Variants in IKZF1 observed in about 807,000 individuals in gnomAD.
The protein encoded by IKZF1 is DNA-binding protein Ikaros.
A neutral mutation model predicts 51.7 loss-of-function variants in IKZF1; 10 were observed. That is an observed-to-expected ratio of 0.19 (90% confidence interval 0.12 to 0.33). The LOEUF is 0.33. Among genes scored for constraint, IKZF1 ranks in the 10% least tolerant of loss-of-function variants. The probability of loss-of-function intolerance (pLI) is 1.00; values close to 1 mark genes in which losing one functional copy is unlikely to be tolerated. For missense variants in IKZF1, 484 were observed against 707.5 expected (o/e 0.68, Z 3.58); for synonymous variants, 280 against 282.3 (o/e 0.99, Z 0.08).
intron 3 of IKZF1, among the ~76,000 whole-genome samples, chr7:50,353,566 G>T (rs920421132): frequency 6.6e-6 from 1 of 152,242 alleles, no homozygotes; most frequent in African/African-American, 2.4e-5. Flanking sequence ...CTCCAGTGAT[G>T]CAGGAGAGGA....
intron 3 of IKZF1, among the ~76,000 whole-genome samples, chr7:50,341,485 G>GCCCA (rs1799060191): frequency 6.6e-6 from 1 of 152,150 alleles, no homozygotes; most frequent in Non-Finnish European, 1.5e-5. Context: ...GACAGTCCTA[G>GCCCA]CCCAGCTTTA....
chr7:50,356,667 A>T (rs1427952368), intron 3 of IKZF1, among the ~76,000 whole-genome samples: 3 of 151,936 alleles, frequency 2.0e-5, no homozygotes, highest in Non-Finnish European at 4.4e-5. Context: ...CTTCTCCATA[A>T]TTCTTTGTAT....
chr7:50,353,515 T>C (rs1307968281), intron 3 of IKZF1, among the ~76,000 whole-genome samples: 1 of 152,188 alleles, frequency 6.6e-6, no homozygotes, highest in Non-Finnish European at 1.5e-5. Flanking sequence ...TGCCATGCTG[T>C]CACCCTTATA....
At chr7:50,303,528 A>G (rs1788069291), upstream of IKZF1, among the ~76,000 whole-genome samples, 1 of 152,152 alleles carries the variant, frequency 6.6e-6, no homozygotes, top group Non-Finnish European at 1.5e-5. This position sits in a 1 kb window ranked among gnomAD's most constrained non-coding sequence, Gnocchi z 4.7. Flanking sequence ...GTGGGAGGGA[A>G]GAGAGACGAG....
intron 2 of IKZF1, among the ~76,000 whole-genome samples, chr7:50,322,399 CT>C (rs144722078): frequency 6.6e-6 from 1 of 152,104 alleles, no homozygotes; most frequent in Non-Finnish European, 1.5e-5. Context: ...TAATATCTGG[CT>C]TTTTTTCAAA....
intron 3 of IKZF1, chr7:50,369,325 C>T (rs1349208667): frequency 5.1e-6 from 2 of 391,804 alleles, no homozygotes; most frequent in East Asian, 7.2e-5. Flanking sequence ...AGGTGTCAGC[C>T]AGAGCATATG....
intron 1 of IKZF1, among the ~76,000 whole-genome samples, chr7:50,305,996 A>G (rs896889889): frequency 6.6e-6 from 1 of 152,138 alleles, no homozygotes; most frequent in African/African-American, 2.4e-5. Context: ...GTTTTATTGT[A>G]CTCATCTTTT....
rs377393268 is a variant in IKZF1 at position 50,314,430 on chromosome 7, T to C, written c.-14-4618T>C. Among the ~76,000 whole-genome samples, 19 of 152,224 alleles carry C rather than the reference T, an allele frequency of 1.2e-4. No homozygotes were observed. In the East Asian group the frequency reaches 3.7e-3, roughly 29 times the overall value. On this transcript the variant is annotated intron_variant, in intron 1 of 7. Transcript: ENST00000331340. ...CGGCAACTACAATTGTTCTTAAAGCTTGTAGAATTACTGTGTGCTACCAAC... is the reference window on the plus strand; with the variant it reads ...CGGCAACTACAATTGTTCTTAAAGCCTGTAGAATTACTGTGTGCTACCAAC...
At chr7:50,327,947 C>A in intron 3 of IKZF1, 190 bp downstream of exon 3, 1 of 654,816 alleles carries the variant, frequency 1.5e-6, no homozygotes, top group Non-Finnish European at 2.5e-6. Context: ...ACTCACAGGC[C>A]AGCATGGCCG....
At chr7:50,318,262 A>G (rs1440433431) in intron 1 of IKZF1, 2 of 230,702 alleles carry the variant, frequency 8.7e-6, no homozygotes, top group Admixed American at 5.7e-5. Flanking sequence ...CACTATGGTC[A>G]TCGAAGGGCA....
Position 50,351,178 on chromosome 7 carries a change from T to A in IKZF1, c.160+23421T>A, listed in dbSNP as rs1801769406. 2.0e-5 allele frequency among the ~76,000 whole-genome samples: 3 copies of A among 152,320 alleles called. No homozygotes were observed. In the South Asian group the frequency reaches 6.2e-4, roughly 32 times the overall value. ...CTCTTTTTTAATGCAGTTTTTATAA[T>A]ATGGGGAGTGGGGGTGTGGATTTAA... On this transcript the variant is annotated intron_variant, in intron 3 of 7. Transcript: ENST00000331340.
At chr7:50,369,103 T>C (rs1031165470) in intron 3 of IKZF1, 10 of 231,310 alleles carry the variant, frequency 4.3e-5, no homozygotes, top group Non-Finnish European at 7.7e-5. Context: ...GCTTGATACC[T>C]ACTTTTTGAG....
intron 1 of IKZF1, among the ~76,000 whole-genome samples, chr7:50,305,717 A>G (rs1308908414): frequency 2.0e-5 from 3 of 152,166 alleles, no homozygotes; most frequent in South Asian, 2.1e-4. Flanking sequence ...CAGGCAGTAT[A>G]TTTCAGCTTT....
chr7:50,345,189 G>A lies in IKZF1; in HGVS notation c.160+17432G>A, dbSNP rs142538590. ...CATCCAGGGATCTCAGAAATTATTA[G>A]TACATCCCACAGTGAATTACCACCT... On this transcript the variant is annotated intron_variant, in intron 3 of 7. Transcript: ENST00000331340. Among the ~76,000 whole-genome samples the A allele has an allele frequency of 3.5e-3, 530 of 152,152 alleles. 2 individuals carry two copies. The highest frequency in any genetic ancestry group is 0.012 in the African/African-American group (506 of 41,510).
intron 1 of IKZF1, among the ~76,000 whole-genome samples, chr7:50,305,706 G>A (rs966260720): frequency 1.3e-5 from 2 of 152,102 alleles, no homozygotes; most frequent in Non-Finnish European, 2.9e-5. Context: ...CCACTGCGCC[G>A]CAGGCAGTAT....
chr7:50,318,039 A>C (rs34919759), intron 1 of IKZF1, among the ~76,000 whole-genome samples: 2,937 of 152,308 alleles, frequency 0.019, 51 homozygotes, highest in East Asian at 0.042. Context: ...CCAGAGCATA[A>C]ATGAGCAGAT....
chr7:50,362,550 C>T (rs922752085), intron 3 of IKZF1, among the ~76,000 whole-genome samples: 1 of 152,190 alleles, frequency 6.6e-6, no homozygotes, highest in African/African-American at 2.4e-5. Flanking sequence ...TAGATGTTAT[C>T]TTTATCTGCG....
intron 4 of IKZF1, among the ~76,000 whole-genome samples, chr7:50,378,476 G>A (rs1379841931): frequency 6.6e-6 from 1 of 152,136 alleles, no homozygotes; most frequent in Non-Finnish European, 1.5e-5. Flanking sequence ...CCCTGATAAG[G>A]AATAGACCTC....
At chr7:50,305,787 T>G (rs1417309926) in intron 1 of IKZF1, among the ~76,000 whole-genome samples, 1 of 152,206 alleles carries the variant, frequency 6.6e-6, no homozygotes, top group Non-Finnish European at 1.5e-5. Flanking sequence ...TCCTTACTAG[T>G]CCCATCAACT....
Sources: allele counts gnomAD v4.1 joint callset (sites outside exome capture counted in the v4.1 genomes callset), GRCh38; gene constraint gnomAD v4.1.1; non-coding constraint Gnocchi (gnomAD v3.1); transcripts MANE v1.5; gene names NCBI Gene and HGNC (gene_info 2026-07-23, HGNC 2026-07-21).